Variants in GNA12 observed in about 807,000 individuals in gnomAD.
The protein encoded by GNA12 is guanine nucleotide-binding protein subunit alpha-12.
Under a neutral mutation model 26.0 loss-of-function variants are expected in GNA12, and 9 were observed. That is an observed-to-expected ratio of 0.35 (90% CI 0.21 to 0.60). The LOEUF (loss-of-function observed/expected upper bound fraction) is 0.60. Among genes scored for constraint, GNA12 ranks in the 20% least tolerant of loss-of-function variants. The pLI is 0.78. For synonymous variants in GNA12, 264 were observed against 219.6 expected (o/e 1.20, Z -1.79); for missense variants, 405 against 525.8 (o/e 0.77, Z 2.25).
chr7:2,842,380 C>G (rs1184852865), intron 1 of GNA12, among the ~76,000 whole-genome samples: 1 of 152,106 alleles, frequency 6.6e-6, no homozygotes, highest in Non-Finnish European at 1.5e-5. Flanking sequence ...CTCACTGCAG[C>G]CTCAACCTCC....
rs773585278 is a variant in GNA12, at chr7:2,731,721, C to T, written c.606G>A (p.Leu202=). 41 of 1,561,206 alleles carry T rather than the reference C, an allele frequency of 2.6e-5. No homozygotes were observed. The South Asian group carries it at 4.7e-4, about 18-fold the overall frequency. Reference sequence around the variant, plus strand: ...TTCCCTTGGTGGCTTTCCTAGCCAGCAGGATATCTTGCTTACTAGGAAAGT... The same window carrying T: ...TTCCCTTGGTGGCTTTCCTAGCCAGTAGGATATCTTGCTTACTAGGAAAGT... The part of the protein sequence containing the change: ...LNYFPSKQDI[L]LARKATKGIV... Residue 202 remains leucine (L), a synonymous_variant, in exon 4 of 4, where the codon CTG becomes CTA. Coordinates refer to ENST00000275364, the MANE Select transcript of GNA12 (RefSeq NM_007353.3). This position sits in a 1 kb window ranked among gnomAD's most constrained non-coding sequence, Gnocchi z 6.0.
intron 1 of GNA12, among the ~76,000 whole-genome samples, chr7:2,805,221 C>T (rs986615520): frequency 9.9e-5 from 15 of 152,194 alleles, no homozygotes; most frequent in African/African-American, 3.6e-4. Context: ...TAACAATCTG[C>T]GTTCATGGGA....
chr7:2,806,279 G>A (rs749853169), intron 1 of GNA12, among the ~76,000 whole-genome samples: 5 of 152,032 alleles, frequency 3.3e-5, no homozygotes, highest in African/African-American at 1.2e-4. Flanking sequence ...AGGAGTTCGA[G>A]ACCAGCCTGG....
intron 1 of GNA12, among the ~76,000 whole-genome samples, chr7:2,833,222 C>G (rs979275083): frequency 1.3e-5 from 2 of 152,206 alleles, no homozygotes; most frequent in Admixed American, 6.5e-5. Context: ...TGGGATGGCA[C>G]TGCCCTTCAG....
chr7:2,834,087 G>C (rs1394615256), intron 1 of GNA12, among the ~76,000 whole-genome samples: 1 of 152,214 alleles, frequency 6.6e-6, no homozygotes, highest in Admixed American at 6.5e-5. Flanking sequence ...GAATTTTCTA[G>C]GGAGAAGACC....
At chr7:2,750,574 C>A (rs548426400) in intron 2 of GNA12, among the ~76,000 whole-genome samples, 53 of 152,318 alleles carry the variant, frequency 3.5e-4, no homozygotes, top group South Asian at 8.3e-4. Flanking sequence ...TGTAACAACA[C>A]ACTGTAATAA....
chr7:2,747,425 T>C (rs937355069), intron 2 of GNA12, among the ~76,000 whole-genome samples: 1 of 152,164 alleles, frequency 6.6e-6, no homozygotes, highest in South Asian at 2.1e-4. Flanking sequence ...AAAAACCACA[T>C]GACTATCTCA....
chr7:2,839,969 G>C (rs910896344), intron 1 of GNA12, among the ~76,000 whole-genome samples: 1 of 152,190 alleles, frequency 6.6e-6, no homozygotes, highest in South Asian at 2.1e-4. Flanking sequence ...CTGCACTCCA[G>C]CCTGGGCGAC....
At chr7:2,755,762 A>T (rs575180755) in intron 2 of GNA12, among the ~76,000 whole-genome samples, 1 of 152,252 alleles carries the variant, frequency 6.6e-6, no homozygotes, top group Non-Finnish European at 1.5e-5. Flanking sequence ...AAAACAGGAA[A>T]TTTTTTTTAA....
chr7:2,800,769 G>A (rs982152284), intron 1 of GNA12, among the ~76,000 whole-genome samples: 1 of 152,152 alleles, frequency 6.6e-6, no homozygotes, highest in African/African-American at 2.4e-5. Flanking sequence ...GGCAGTGGTG[G>A]ACTGGAATCT....
chr7:2,804,906 TAAA>T (rs34095388), intron 1 of GNA12, among the ~76,000 whole-genome samples: 4 of 148,500 alleles, frequency 2.7e-5, no homozygotes, highest in African/African-American at 9.9e-5. Context: ...TAAAATAAAT[TAAA>T]AAAAAAAAGA....
chr7:2,736,070 G>C (rs896644552), intron 2 of GNA12, among the ~76,000 whole-genome samples: 7 of 152,148 alleles, frequency 4.6e-5, no homozygotes, highest in Admixed American at 3.3e-4. Context: ...GACTCCTCAA[G>C]TCTTACAGCA....
chr7:2,804,644 G>T (rs1162392313), intron 1 of GNA12, among the ~76,000 whole-genome samples: 1 of 152,170 alleles, frequency 6.6e-6, no homozygotes, highest in Non-Finnish European at 1.5e-5. Flanking sequence ...TCCTCTGGGG[G>T]CAGTGTCACT....
intron 1 of GNA12, among the ~76,000 whole-genome samples, chr7:2,825,802 G>A (rs116663285): frequency 0.01 from 1,561 of 152,210 alleles, 12 homozygotes; most frequent in Middle Eastern, 0.071. Flanking sequence ...AAGCAGCTGC[G>A]GCAGCTGAAG....
intron 1 of GNA12, among the ~76,000 whole-genome samples, chr7:2,829,516 G>A (rs1040685165): frequency 1.3e-5 from 2 of 152,152 alleles, no homozygotes; most frequent in Non-Finnish European, 2.9e-5. Context: ...ACGATGCTGA[G>A]TTTTCAATCT....
chr7:2,844,214 C>A lies in GNA12; in HGVS notation c.-53G>T. On this transcript the variant is annotated 5_prime_UTR_variant, in exon 1 of 4. Coordinates refer to ENST00000275364, the MANE Select transcript of GNA12 (RefSeq NM_007353.3). The stretch of plus-strand genomic sequence containing the variant: ...CCGGCGCCCGGGGGCCATGGACGCT[C>A]CCGCCGGCGAGGGCGAGCCCGGGCC... The A allele has an allele frequency of 1.1e-6, 1 of 908,164 alleles. No individual in the cohort carries two copies. The highest frequency in any genetic ancestry group is 4.8e-5 in the South Asian group (1 of 20,724). The allele number at this position is 908,164 out of a possible 1,614,324, so 56.3% of individuals were successfully genotyped here.
At chr7:2,762,706 C>G in intron 2 of GNA12, 1 of 1,568,784 alleles carries the variant, frequency 6.4e-7, no homozygotes, top group South Asian at 1.2e-5. Context: ...GGTGGAGGAG[C>G]GCCAGAGGGA....
At chr7:2,834,719 C>G (rs986303800) in intron 1 of GNA12, among the ~76,000 whole-genome samples, 2 of 152,182 alleles carry the variant, frequency 1.3e-5, no homozygotes, top group Admixed American at 6.5e-5. Flanking sequence ...CAGATTTTTA[C>G]AGCACGTTTT....
rs1354281243 is a variant in GNA12, at chr7:2,839,436, T to C, written c.309+4417A>G. The stretch of plus-strand genomic sequence containing the variant: ...TCTTGCTCTGTCGCCCAGGCTGGAG[T>C]ACAGTGGCGTGCTCTCTGTGCACTG... On this transcript the variant is annotated intron_variant, in intron 1 of 3. Coordinates refer to ENST00000275364, the MANE Select transcript of GNA12 (RefSeq NM_007353.3). Among the ~76,000 whole-genome samples, 5 of 152,128 alleles carry C rather than the reference T, an allele frequency of 3.3e-5. No individual in the cohort carries two copies. The East Asian group carries it at 9.7e-4, about 29-fold the overall frequency.
Sources: allele counts gnomAD v4.1 joint callset (sites outside exome capture counted in the v4.1 genomes callset), GRCh38; gene constraint gnomAD v4.1.1; non-coding constraint Gnocchi (gnomAD v3.1); transcripts MANE v1.5; gene names NCBI Gene and HGNC (gene_info 2026-07-23, HGNC 2026-07-21).